Variants in PTPRD observed in about 807,000 individuals in gnomAD.
PTPRD encodes receptor-type tyrosine-protein phosphatase delta.
A neutral mutation model predicts 214.5 loss-of-function variants in PTPRD; 34 were observed. That is an observed-to-expected ratio of 0.16 (90% confidence interval 0.12 to 0.21). The LOEUF is 0.21. Ranked by LOEUF, PTPRD falls within the 10% of genes least tolerant of loss-of-function variation. The pLI, the probability that PTPRD is intolerant of heterozygous loss-of-function variation, is 1.00. For synonymous variants in PTPRD, 1,128 were observed against 845.7 expected (o/e 1.33, Z -5.79); for missense variants, 2,545 against 2,398.7 (o/e 1.06, Z -1.27).
At chr9:9,474,682 G>GTT (rs57567942) in intron 8 of PTPRD, among the ~76,000 whole-genome samples, 31 of 151,288 alleles carry the variant, frequency 2.0e-4, no homozygotes, top group South Asian at 6.2e-4. Context: ...TATTCCTAGG[G>GTT]TTTTTTTTGT....
intron 9 of PTPRD, among the ~76,000 whole-genome samples, chr9:9,368,038 T>C (rs943072544): frequency 8.6e-5 from 13 of 151,850 alleles, no homozygotes; most frequent in African/African-American, 3.1e-4. Flanking sequence ...ATATTATTCA[T>C]CTTTATTTAG....
At chr9:10,543,087 G>A (rs922308604) in intron 2 of PTPRD, among the ~76,000 whole-genome samples, 6 of 151,830 alleles carry the variant, frequency 4.0e-5, no homozygotes, top group African/African-American at 1.4e-4. Flanking sequence ...GCTTATCCAC[G>A]TTGGTCGCAC....
intron 2 of PTPRD, among the ~76,000 whole-genome samples, chr9:10,542,952 T>A (rs1042336238): frequency 6.6e-6 from 1 of 152,150 alleles, no homozygotes; most frequent in East Asian, 1.9e-4. Context: ...GGTGTCTCCA[T>A]GTTGGTCGCA....
chr9:8,331,893 C>G (rs1407310772), intron 43 of PTPRD, among the ~76,000 whole-genome samples, 157 bp from the exon 44 acceptor site: 1 of 150,748 alleles, frequency 6.6e-6, no homozygotes, highest in Admixed American at 6.6e-5. Flanking sequence ...TATGGTTTAT[C>G]TGCTATAAAT....
At chr9:8,807,087 A>G (rs978844544) in intron 11 of PTPRD, among the ~76,000 whole-genome samples, 9 of 152,140 alleles carry the variant, frequency 5.9e-5, no homozygotes, top group Non-Finnish European at 1.2e-4. Context: ...TTGTAATCCT[A>G]GCAATTTGGG....
intron 12 of PTPRD, among the ~76,000 whole-genome samples, chr9:8,701,144 A>C (rs578166879): frequency 2.7e-4 from 41 of 152,116 alleles, no homozygotes; most frequent in African/African-American, 9.6e-4. Context: ...CTGGACGACA[A>C]AGCAAGACTC....
intron 9 of PTPRD, among the ~76,000 whole-genome samples, chr9:9,362,528 G>T (rs2056551175): frequency 2.0e-5 from 3 of 151,032 alleles, no homozygotes; most frequent in Non-Finnish European, 1.5e-5. Context: ...AACATTGTCA[G>T]AAAAACATCA....
intron 5 of PTPRD, among the ~76,000 whole-genome samples, chr9:9,910,681 G>T (rs527306259): frequency 1.4e-4 from 21 of 152,030 alleles, no homozygotes; most frequent in African/African-American, 4.8e-4. Context: ...ATTATATATA[G>T]ATGTATTTGT....
At chr9:8,853,045 G>C (rs2097849388) in intron 11 of PTPRD, among the ~76,000 whole-genome samples, 2 of 152,074 alleles carry the variant, frequency 1.3e-5, no homozygotes, top group Non-Finnish European at 2.9e-5. Context: ...TAAATAAACT[G>C]TTAAGAGAAA....
At chr9:10,267,236 G>A (rs1373967284) in intron 3 of PTPRD, among the ~76,000 whole-genome samples, 3 of 151,392 alleles carry the variant, frequency 2.0e-5, no homozygotes, top group Non-Finnish European at 4.4e-5. Flanking sequence ...GTCAGGGATG[G>A]AGCAGATGGA....
At chr9:9,593,365 A>G (rs1185790196) in intron 7 of PTPRD, among the ~76,000 whole-genome samples, 1 of 151,296 alleles carries the variant, frequency 6.6e-6, no homozygotes, top group Non-Finnish European at 1.5e-5. Flanking sequence ...TTGTATGTAC[A>G]TGTGTATGTA....
intron 3 of PTPRD, among the ~76,000 whole-genome samples, chr9:10,055,827 C>T (rs1420468653): frequency 6.6e-6 from 1 of 150,536 alleles, no homozygotes; most frequent in African/African-American, 2.5e-5. Context: ...ATAATGTATA[C>T]ATTATACATT....
intron 7 of PTPRD, among the ~76,000 whole-genome samples, chr9:9,682,292 T>C (rs1317205112): frequency 1.3e-5 from 2 of 151,768 alleles, no homozygotes. Flanking sequence ...CCTATAGTTA[T>C]ATTGGATCCT....
intron 9 of PTPRD, among the ~76,000 whole-genome samples, chr9:9,211,511 GCACGCACACACA>G (rs927277854): frequency 1.9e-5 from 2 of 107,846 alleles, no homozygotes; most frequent in Non-Finnish European, 3.9e-5. Flanking sequence ...CCCAGTGTGC[GCACGCACACACA>G]CACACACACA....
intron 8 of PTPRD, among the ~76,000 whole-genome samples, chr9:9,555,070 T>C (rs577618881): frequency 1.8e-4 from 27 of 152,208 alleles, no homozygotes; most frequent in Middle Eastern, 3.4e-3. Context: ...AAGTGGTTTG[T>C]TTAAAGGCAT....
At chr9:9,729,667 A>G (rs1252177487) in intron 7 of PTPRD, among the ~76,000 whole-genome samples, 1 of 152,108 alleles carries the variant, frequency 6.6e-6, no homozygotes, top group African/African-American at 2.4e-5. Flanking sequence ...CTAATTATAC[A>G]GGAAACATAA....
chr9:10,168,700 T>C (rs2099175826), intron 3 of PTPRD, among the ~76,000 whole-genome samples: 1 of 152,220 alleles, frequency 6.6e-6, no homozygotes, highest in African/African-American at 2.4e-5. Flanking sequence ...GATCTGTCAC[T>C]CACTAATTCA....
intron 9 of PTPRD, among the ~76,000 whole-genome samples, chr9:9,230,109 G>C (rs1160920007): frequency 6.6e-6 from 1 of 152,078 alleles, no homozygotes; most frequent in Non-Finnish European, 1.5e-5. Flanking sequence ...CCGACTGATA[G>C]GAGTGTATTT....
chr9:8,418,104 G>A (rs1314734995), intron 35 of PTPRD, among the ~76,000 whole-genome samples: 2 of 152,152 alleles, frequency 1.3e-5, no homozygotes, highest in African/African-American at 2.4e-5. Flanking sequence ...ATCAGTCCTA[G>A]TGAATAATTT....
Sources: gnomAD v4.1 joint callset for allele counts (sites outside exome capture counted in the v4.1 genomes callset) on GRCh38, gnomAD v4.1.1 for gene constraint, MANE v1.5 for transcripts, NCBI Gene and HGNC (gene_info 2026-07-23, HGNC 2026-07-21) for gene names.